The following CCSER1 variants were observed in gnomAD, a reference collection of about 807,000 sequenced individuals.
CCSER1 encodes serine-rich coiled-coil domain-containing protein 1.
Under a neutral mutation model 82.0 loss-of-function variants are expected in CCSER1, and 41 were observed. The observed-to-expected ratio is 0.50, with a 90% CI of 0.39 to 0.65. The LOEUF (loss-of-function observed/expected upper bound fraction) is 0.65. CCSER1 is among the 30% of genes least tolerant of loss of function. The pLI, the probability that CCSER1 is intolerant of heterozygous loss-of-function variation, is 0.00. For missense variants in CCSER1, 1,119 were observed against 1,064.2 expected (o/e 1.05, Z -0.72); for synonymous variants, 414 against 383.9 (o/e 1.08, Z -0.92).
At chr4:91,037,567 T>G (rs1340813249) in intron 9 of CCSER1, among the ~76,000 whole-genome samples, 1 of 138,310 alleles carries the variant, frequency 7.2e-6, no homozygotes, top group Non-Finnish European at 1.6e-5. Flanking sequence ...CACCTTGTTA[T>G]AGATATTTCT....
chr4:90,199,522 AC>A (rs1737246082), intron 1 of CCSER1, among the ~76,000 whole-genome samples: 1 of 152,196 alleles, frequency 6.6e-6, no homozygotes, highest in African/African-American at 2.4e-5. Context: ...CTGTAATAAA[AC>A]AAATTATTGT....
intron 10 of CCSER1, among the ~76,000 whole-genome samples, chr4:91,412,904 A>G (rs75283651): frequency 0.037 from 5,656 of 152,092 alleles, 379 homozygotes; most frequent in African/African-American, 0.13. Flanking sequence ...GCCTAAAAAT[A>G]ATTCAAAATA....
intron 10 of CCSER1, among the ~76,000 whole-genome samples, chr4:91,267,181 A>G (rs1460713640): frequency 1.3e-5 from 2 of 152,200 alleles, no homozygotes; most frequent in Non-Finnish European, 2.9e-5. Flanking sequence ...GGATCCAGCA[A>G]ATCTTGAATT....
chr4:90,736,767 C>A (rs1171328512), intron 7 of CCSER1, among the ~76,000 whole-genome samples: 1 of 151,530 alleles, frequency 6.6e-6, no homozygotes, highest in Non-Finnish European at 1.5e-5. Context: ...TTGTTTTTTC[C>A]TTCTTTCCTC....
chr4:90,203,294 C>G (rs1314481168), intron 1 of CCSER1, among the ~76,000 whole-genome samples: 3 of 152,112 alleles, frequency 2.0e-5, no homozygotes, highest in African/African-American at 7.2e-5. Flanking sequence ...GTTTGCTGCA[C>G]CCATCAACCT....
chr4:90,176,617 T>C (rs1489166551), intron 1 of CCSER1, among the ~76,000 whole-genome samples: 1 of 151,852 alleles, frequency 6.6e-6, no homozygotes, highest in Non-Finnish European at 1.5e-5. Context: ...CCCATAAGAG[T>C]TGTCTTACTT....
At chr4:90,789,666 A>G (rs1255656651) in intron 7 of CCSER1, among the ~76,000 whole-genome samples, 1 of 152,048 alleles carries the variant, frequency 6.6e-6, no homozygotes, top group East Asian at 1.9e-4. Context: ...ATGAAATCTG[A>G]CAGTTTTAAA....
intron 10 of CCSER1, among the ~76,000 whole-genome samples, chr4:91,145,861 CT>C (rs936163368): frequency 1.3e-5 from 2 of 152,092 alleles, no homozygotes; most frequent in Non-Finnish European, 2.9e-5. Flanking sequence ...TGATATGACC[CT>C]TTTGTTTAGC....
chr4:90,704,975 T>C (rs774701406), intron 6 of CCSER1, among the ~76,000 whole-genome samples: 1 of 152,210 alleles, frequency 6.6e-6, no homozygotes, highest in Non-Finnish European at 1.5e-5. Context: ...TCTCAACTCG[T>C]CAAAGTCATT....
chr4:91,041,645 A>G (rs976881066), intron 9 of CCSER1, among the ~76,000 whole-genome samples: 2 of 152,156 alleles, frequency 1.3e-5, no homozygotes, highest in African/African-American at 4.8e-5. Context: ...CCGGTTTTCA[A>G]AGTAAAAGAA....
rs142652059 is a variant in CCSER1, at chr4:91,419,043, G to A, written c.2218-179529G>A. ...TAAAAATTTTTCAACACTTTTTCAC[G>A]ATAACAACTGTCAACAAATTAGGTA... On this transcript the variant is annotated intron_variant, in intron 10 of 10. Coordinates refer to ENST00000509176, the MANE Select transcript of CCSER1 (RefSeq NM_001145065.2). Among the ~76,000 whole-genome samples the A allele has an allele frequency of 1.9e-4, 29 of 151,782 alleles. No individual in the cohort carries two copies. In the East Asian group the frequency reaches 5.0e-3, roughly 26 times the overall value.
chr4:91,549,771 G>A (rs1022613821), intron 10 of CCSER1, among the ~76,000 whole-genome samples: 47 of 152,116 alleles, frequency 3.1e-4, no homozygotes, highest in African/African-American at 1.1e-3. Flanking sequence ...GGAGGTGGAG[G>A]TTGCAGTGAG....
chr4:91,276,507 T>G (rs1000239185), intron 10 of CCSER1, among the ~76,000 whole-genome samples: 1 of 152,076 alleles, frequency 6.6e-6, no homozygotes, highest in Non-Finnish European at 1.5e-5. Context: ...CCTTCAACTT[T>G]ACTGAATTTA....
chr4:90,416,374 T>C (rs917055518), intron 4 of CCSER1, among the ~76,000 whole-genome samples: 6 of 152,272 alleles, frequency 3.9e-5, no homozygotes, highest in Middle Eastern at 6.8e-3. Flanking sequence ...AAACTACAAA[T>C]TAATATCAAA....
intron 5 of CCSER1, among the ~76,000 whole-genome samples, chr4:90,607,454 T>A (rs1256162154): frequency 2.0e-5 from 3 of 152,144 alleles, no homozygotes; most frequent in African/African-American, 7.2e-5. Flanking sequence ...CATATCAAGA[T>A]ATTGACAGAG....
chr4:90,928,422 G>A (rs1160714634), intron 9 of CCSER1, among the ~76,000 whole-genome samples: 1 of 152,006 alleles, frequency 6.6e-6, no homozygotes, highest in African/African-American at 2.4e-5. Flanking sequence ...GTCCCCTCTA[G>A]CAGCCAGCTC....
chr4:90,248,690 A>C (rs1721860166), intron 1 of CCSER1, among the ~76,000 whole-genome samples: 1 of 150,910 alleles, frequency 6.6e-6, no homozygotes, highest in Admixed American at 6.6e-5. Flanking sequence ...ATTTATGTGT[A>C]GAATTTTAGA....
intron 8 of CCSER1, among the ~76,000 whole-genome samples, chr4:90,909,795 A>AC (rs1726052173): frequency 6.6e-6 from 1 of 152,212 alleles, no homozygotes. Context: ...ATATATTTGT[A>AC]TAATCCATTA....
At chr4:90,278,443 T>G (rs1578916983) in intron 1 of CCSER1, among the ~76,000 whole-genome samples, 1 of 151,706 alleles carries the variant, frequency 6.6e-6, no homozygotes, top group Admixed American at 6.6e-5. Context: ...CCATCAAAGG[T>G]GGATTGGATA....
Sources: gnomAD v4.1 joint callset for allele counts (sites outside exome capture counted in the v4.1 genomes callset) on GRCh38, gnomAD v4.1.1 for gene constraint, MANE v1.5 for transcripts, NCBI Gene and HGNC (gene_info 2026-07-23, HGNC 2026-07-21) for gene names.